Variants in CCHCR1 observed in about 807,000 individuals in gnomAD.
CCHCR1 encodes HCR (a-helix coiled-coil rod homologue).
Under a neutral mutation model 114.6 loss-of-function variants are expected in CCHCR1, and 91 were observed. The observed-to-expected ratio is 0.79, with a 90% confidence interval of 0.67 to 0.94. The LOEUF is 0.94. CCHCR1 is among the 40% of genes least tolerant of loss of function. CCHCR1 has a pLI of 0.00. For synonymous variants in CCHCR1, 379 were observed against 428.5 expected, an observed-to-expected ratio of 0.88 and a Z score of 1.43; for missense variants, 899 against 1,079.9, an observed-to-expected ratio of 0.83 and a Z score of 2.35.
In CCHCR1 at chr6:31,154,332, A is replaced by G. The variant is rs1415651525; in HGVS notation, c.801+164T>C. On this transcript the variant is annotated intron_variant, in intron 4 of 17. Transcript: ENST00000396268. The surrounding 1 kb of genome is among the most constrained non-coding windows in gnomAD (Gnocchi z 4.1). ...CCTGAATTAAGATAAAAGTACCCAAATTCTCCATCTTTCTAGGCCATGTGT... is the reference window on the plus strand; with the variant it reads ...CCTGAATTAAGATAAAAGTACCCAAGTTCTCCATCTTTCTAGGCCATGTGT... Among the ~76,000 whole-genome samples the G allele has an allele frequency of 1.3e-5, 2 of 152,102 alleles. No individual in the cohort carries two copies. Among genetic ancestry groups the G allele is most frequent in the African/African-American group, 4.8e-5 (2 of 41,418 alleles).
intron 10 of CCHCR1, among the ~76,000 whole-genome samples, chr6:31,147,024 C>G (rs1191143462): frequency 6.6e-6 from 1 of 152,102 alleles, no homozygotes; most frequent in Non-Finnish European, 1.5e-5. Flanking sequence ...TTCGCTAAAC[C>G]AAAAATTATC....
chr6:31,146,835 T>G (rs1774406694), intron 10 of CCHCR1, among the ~76,000 whole-genome samples: 1 of 152,190 alleles, frequency 6.6e-6, no homozygotes, highest in Admixed American at 6.5e-5. Flanking sequence ...AGTGCATCTT[T>G]CTGTTCTCCT....
chr6:31,144,701 T>C lies in CCHCR1; in HGVS notation c.2153A>G (p.Glu718Gly). The C allele has an allele frequency of 6.2e-7, 1 of 1,609,898 alleles. No individual in the cohort carries two copies. The highest frequency in any genetic ancestry group is 8.5e-7 in the Non-Finnish European group (1 of 1,176,890). Residue 718 changes from glutamate (E) to glycine (G), a missense_variant, in exon 15 of 18, where the codon GAG becomes GGG. Coordinates refer to ENST00000396268, the MANE Select transcript of CCHCR1 (RefSeq NM_001105564.2). This position sits in a 1 kb window ranked among gnomAD's most constrained non-coding sequence, Gnocchi z 4.6. Reference sequence around the variant, plus strand: ...GCAAGGCTCACCGGCCTTGGCATGCTCCCTCCGAGCCTCGTTCAGCCTCCT... The same window carrying C: ...GCAAGGCTCACCGGCCTTGGCATGCCCCCTCCGAGCCTCGTTCAGCCTCCT... ...TERRLNEARR[E>G]HAKAVVSLRQ...
Position 31,145,762 on chromosome 6 carries a change from C to G in CCHCR1, c.1627G>C (p.Ala543Pro). 6.2e-7 allele frequency: 1 copy of G among 1,613,108 alleles called. No homozygotes were observed. Among genetic ancestry groups the G allele is most frequent in the Non-Finnish European group, 8.5e-7 (1 of 1,179,966 alleles). The change falls in exon 11 of 18, where the codon GCC becomes CCC. Residue 543 changes from alanine (A) to proline (P), a missense_variant. Transcript: ENST00000396268. The stretch of plus-strand genomic sequence containing the variant: ...TTGTTGAGGCTGGGAAGCTGGGCGG[C>G]AGCCCCTTCCACCTTAGCCATGGTG... ...ETTMAKVEGA[A>P]AQLPSLNNRL...
Position 31,151,264 on chromosome 6 carries a change from T to G in CCHCR1, c.802-142A>C, listed in dbSNP as rs1462869252. 1 of 848,566 alleles carries G rather than the reference T, an allele frequency of 1.2e-6. No individual in the cohort carries two copies. Among genetic ancestry groups the G allele is most frequent in the Non-Finnish European group, 1.8e-6 (1 of 552,936 alleles). The allele number at this position is 848,566 out of a possible 1,614,324, so 52.6% of individuals were successfully genotyped here. ...GCACAGCAAATGGAGAGCTGGCAACTCACTCTCCGCAGCTGCCCCACAACC... is the reference window on the plus strand; with the variant it reads ...GCACAGCAAATGGAGAGCTGGCAACGCACTCTCCGCAGCTGCCCCACAACC... On this transcript the variant is annotated intron_variant, in intron 4 of 17. Transcript: ENST00000396268. The surrounding 1 kb of genome is among the most constrained non-coding windows in gnomAD (Gnocchi z 4.1).
rs1307999351 is a variant in CCHCR1, at chr6:31,157,060, T to C, written c.246A>G (p.Leu82=). ...RGNIDGWRQN[L]EPSNNVEMFP... is the part of the protein sequence containing the mutation. ...ACATCTCCACATTATTTGAAGGCTCTAGATTCTGTCTCCAGCCATCTATGT... is the reference window on the plus strand; with the variant it reads ...ACATCTCCACATTATTTGAAGGCTCCAGATTCTGTCTCCAGCCATCTATGT... Residue 82 remains leucine, a synonymous_variant, in exon 2 of 18, where the codon CTA becomes CTG. Coordinates refer to ENST00000396268, the MANE Select transcript of CCHCR1 (RefSeq NM_001105564.2). The C allele has an allele frequency of 3.1e-6, 5 of 1,612,196 alleles. No individual in the cohort carries two copies. Among genetic ancestry groups the C allele is most frequent in the Admixed American group, 1.7e-5 (1 of 59,946 alleles).
chr6:31,145,582 C>G, intron 11 of CCHCR1, 89 bp from the exon 12 acceptor site: 4 of 1,468,794 alleles, frequency 2.7e-6, no homozygotes, highest in Non-Finnish European at 3.8e-6. Context: ...GATGCAAGGA[C>G]TGGTGAAAGG....
In CCHCR1 at chr6:31,142,753, G is replaced by A. The variant is rs940654202; in HGVS notation, c.2492-37C>T. 20 of 1,591,242 alleles carry A rather than the reference G, an allele frequency of 1.3e-5. No homozygotes were observed. In the Admixed American group the frequency reaches 2.9e-4, roughly 23 times the overall value. On this transcript the variant is annotated intron_variant, in intron 17 of 17. Transcript: ENST00000396268. ...GACAGCAGATGAGCACCAGACAAGG[G>A]AAGGTGCTCGTGGTTACAGAGGAAA...
rs766913794 is a variant in CCHCR1, at chr6:31,143,447, G to A, written c.2168-34C>T. ...AGGCCAAGGCACAGAGGAGGCAGGT[G>A]TGAGTCAGGCCAGAGGCAGCCAGGC... On this transcript the variant is annotated intron_variant, in intron 15 of 17. Coordinates refer to ENST00000396268, the MANE Select transcript of CCHCR1 (RefSeq NM_001105564.2). The surrounding 1 kb of genome is among the most constrained non-coding windows in gnomAD (Gnocchi z 5.3). The A allele has an allele frequency of 4.2e-5, 67 of 1,608,634 alleles. No individual in the cohort carries two copies. Among genetic ancestry groups the A allele is most frequent in the Non-Finnish European group, 5.5e-5 (65 of 1,178,078 alleles).
At position 31,150,684 on chromosome 6, in the gene CCHCR1, G is replaced by A. The variant is rs753144349; in HGVS notation, c.1101+41C>T. ...AAGGGCCACGCTTGCCTCCCAACCT[G>A]ATCCCTAAGTCTGCACACAGATACA... On this transcript the variant is annotated intron_variant, in intron 6 of 17. Transcript: ENST00000396268. The surrounding 1 kb of genome is among the most constrained non-coding windows in gnomAD (Gnocchi z 5.3). The A allele has an allele frequency of 1.9e-5, 30 of 1,604,904 alleles. No individual in the cohort carries two copies. In the East Asian group the frequency reaches 6.5e-4, roughly 35 times the overall value.
chr6:31,144,376 G>A lies in CCHCR1; in HGVS notation c.2167+311C>T, dbSNP rs1162928748. 1.1e-5 allele frequency: 3 copies of A among 263,586 alleles called. No homozygotes were observed. The highest frequency in any genetic ancestry group is 1.4e-5 in the Non-Finnish European group (2 of 140,796). The allele number at this position is 263,586 out of a possible 1,614,324, so 16.3% of individuals were successfully genotyped here. On this transcript the variant is annotated intron_variant, in intron 15 of 17. Coordinates refer to ENST00000396268, the MANE Select transcript of CCHCR1 (RefSeq NM_001105564.2). This position sits in a 1 kb window ranked among gnomAD's most constrained non-coding sequence, Gnocchi z 4.6. ...GGCCTAGCTAATTTTTGTATTTTTA[G>A]TCGAGACAGGGTTTCGCCATGTTGT...
intron 4 of CCHCR1, among the ~76,000 whole-genome samples, chr6:31,152,944 C>T (rs899753081): frequency 1.3e-5 from 2 of 152,174 alleles, no homozygotes; most frequent in African/African-American, 4.8e-5. Context: ...CCAGCTACCA[C>T]TGGACTTCAC....
chr6:31,154,703 C>T lies in CCHCR1; in HGVS notation c.594G>A (p.Arg198=). The T allele has an allele frequency of 1.2e-6, 2 of 1,609,888 alleles. No homozygotes were observed. Among genetic ancestry groups the T allele is most frequent in the Non-Finnish European group, 1.7e-6 (2 of 1,179,920 alleles). The change falls in exon 4 of 18, where the codon CGG becomes CGA. Residue 198 remains arginine, a synonymous_variant. Coordinates refer to ENST00000396268, the MANE Select transcript of CCHCR1 (RefSeq NM_001105564.2). This position sits in a 1 kb window ranked among gnomAD's most constrained non-coding sequence, Gnocchi z 4.1. ...GCTGCAGCGAGGTCTCCCGCAGGAG[C>T]CGGACCTCCTCCTCCAGCCGCCGCA... ...QELRRLEEEV[R]LLRETSLQQK... is the part of the protein sequence containing the mutation.
At position 31,143,617 on chromosome 6, in the gene CCHCR1, C is replaced by T. The variant is rs752865711; in HGVS notation, c.2168-204G>A. Among the ~76,000 whole-genome samples, 3 of 152,194 alleles carry T rather than the reference C, an allele frequency of 2.0e-5. No individual in the cohort carries two copies. Among genetic ancestry groups the T allele is most frequent in the Admixed American group, 6.5e-5 (1 of 15,278 alleles). On this transcript the variant is annotated intron_variant, in intron 15 of 17. Coordinates refer to ENST00000396268, the MANE Select transcript of CCHCR1 (RefSeq NM_001105564.2). The surrounding 1 kb of genome is among the most constrained non-coding windows in gnomAD (Gnocchi z 5.3). ...GGAATCTGAACCTAAGTATCTTCCT[C>T]ATCCCTGAACCATCCTGGAGTTCCT...
At position 31,150,420 on chromosome 6, in the gene CCHCR1, G is replaced by T. The variant is rs747254020; in HGVS notation, c.1212+35C>A. 9 of 1,558,326 alleles carry T rather than the reference G, an allele frequency of 5.8e-6. No homozygotes were observed. The highest frequency in any genetic ancestry group is 5.4e-5 in the African/African-American group (4 of 73,884). On this transcript the variant is annotated intron_variant, in intron 7 of 17. Coordinates refer to ENST00000396268, the MANE Select transcript of CCHCR1 (RefSeq NM_001105564.2). The surrounding 1 kb of genome is among the most constrained non-coding windows in gnomAD (Gnocchi z 5.3). ...GCAGGGGACAGTAGATGCAGGATGC[G>T]GCTGAGGGTGAGGGGTCTGGGGGTT...
chr6:31,144,946 G>A lies in CCHCR1; in HGVS notation c.2004C>T (p.Ser668=). 1 of 1,611,950 alleles carries A rather than the reference G, an allele frequency of 6.2e-7. No homozygotes were observed. Among genetic ancestry groups the A allele is most frequent in the Non-Finnish European group, 8.5e-7 (1 of 1,179,984 alleles). The change falls in exon 14 of 18, where the codon AGC becomes AGT. Residue 668 remains serine, a synonymous_variant. Coordinates refer to ENST00000396268, the MANE Select transcript of CCHCR1 (RefSeq NM_001105564.2). The surrounding 1 kb of genome is among the most constrained non-coding windows in gnomAD (Gnocchi z 4.6). ...LEVARQGQQE[S]TEEAASLRQE... ...GCCGCAGACTGGCAGCCTCCTCTGT[G>A]CTCTCCTGCTGGCCCTGGCGTGCTA...
chr6:31,149,630 G>A (rs1444594250), intron 8 of CCHCR1: 1 of 153,030 alleles, frequency 6.5e-6, no homozygotes, highest in Admixed American at 6.5e-5. Context: ...TTTTAGTAGA[G>A]ACGGGATTTC....
At chr6:31,157,354 A>G in intron 1 of CCHCR1, 31 bp downstream of exon 1, 1 of 1,556,716 alleles carries the variant, frequency 6.4e-7, no homozygotes, top group Non-Finnish European at 8.9e-7. Flanking sequence ...GGCTTTACTC[A>G]TACTTTCAGG....
intron 1 of CCHCR1, 129 bp downstream of exon 1, chr6:31,157,256 G>T (rs1776162587): frequency 2.0e-6 from 2 of 1,021,894 alleles, no homozygotes; most frequent in Admixed American, 2.0e-5. Flanking sequence ...AAATTCACTT[G>T]CTTGTCTCAA....
Sources: gnomAD v4.1 joint callset for allele counts (sites outside exome capture counted in the v4.1 genomes callset) on GRCh38, gnomAD v4.1.1 for gene constraint, Gnocchi (gnomAD v3.1) non-coding constraint, MANE v1.5 for transcripts, NCBI Gene and HGNC (gene_info 2026-07-23, HGNC 2026-07-21) for gene names.